The following GAP43 variants were observed in gnomAD, a reference collection of about 807,000 sequenced individuals.
GAP43 encodes growth associated protein 43, also known as neuromodulin.
A neutral mutation model predicts 18.6 loss-of-function variants in GAP43; 6 were observed. The observed-to-expected ratio is 0.32, with a 90% CI of 0.18 to 0.64. The LOEUF (loss-of-function observed/expected upper bound fraction) is 0.64. Among genes scored for constraint, GAP43 ranks in the 30% least tolerant of loss-of-function variants. The probability of loss-of-function intolerance (pLI) is 0.78; values close to 1 mark genes in which losing one functional copy is unlikely to be tolerated. For missense variants in GAP43, 292 were observed against 295.5 expected (o/e 0.99, Z 0.09); for synonymous variants, 115 against 111.4 (o/e 1.03, Z -0.20).
intron 1 of GAP43, among the ~76,000 whole-genome samples, chr3:115,626,311 G>A (rs1269517753): frequency 6.6e-6 from 1 of 152,180 alleles, no homozygotes; most frequent in Non-Finnish European, 1.5e-5. Flanking sequence ...CGTGGGAGGG[G>A]GGCTGAAGGG....
At chr3:115,680,285 C>T (rs903693695) in intron 2 of GAP43, among the ~76,000 whole-genome samples, 12 of 152,054 alleles carry the variant, frequency 7.9e-5, no homozygotes, top group Non-Finnish European at 1.8e-4. Context: ...AAGGAGACCC[C>T]ATCTCTACAA....
At chr3:115,647,733 A>G (rs1222784615) in intron 1 of GAP43, among the ~76,000 whole-genome samples, 1 of 131,946 alleles carries the variant, frequency 7.6e-6, no homozygotes, top group Non-Finnish European at 1.6e-5. Context: ...AAAAACAAAA[A>G]CAAAAACAAA....
chr3:115,676,309 C>A lies in GAP43; in HGVS notation c.327C>A (p.Ser109=). ...CCGGCAAAGCAGGAGAAACTCCTTCCGAGGAGAAGAAGGGGGAGGGTGATG... is the reference window on the plus strand; with the variant it reads ...CCGGCAAAGCAGGAGAAACTCCTTCAGAGGAGAAGAAGGGGGAGGGTGATG... ...DEPGKAGETP[S]EEKKGEGDAA... Residue 109 remains serine, a synonymous_variant, in exon 2 of 3, where the codon TCC becomes TCA. Transcript: ENST00000305124. 6.2e-7 allele frequency: 1 copy of A among 1,614,080 alleles called. No homozygotes were observed. The highest frequency in any genetic ancestry group is 8.5e-7 in the Non-Finnish European group (1 of 1,179,998).
At chr3:115,720,062 T>C (rs1242977366) in intron 2 of GAP43, among the ~76,000 whole-genome samples, 1 of 152,228 alleles carries the variant, frequency 6.6e-6, no homozygotes, top group Non-Finnish European at 1.5e-5. Flanking sequence ...ACTATTATAT[T>C]ACAATGCTTT....
chr3:115,691,494 AG>A (rs1282798316), intron 2 of GAP43, among the ~76,000 whole-genome samples: 1 of 152,204 alleles, frequency 6.6e-6, no homozygotes, highest in African/African-American at 2.4e-5. Flanking sequence ...CATGTGTAAA[AG>A]GTGTCTATTA....
At chr3:115,649,822 A>AAAAAAAAG (rs375806733) in intron 1 of GAP43, among the ~76,000 whole-genome samples, 3 of 137,260 alleles carry the variant, frequency 2.2e-5, no homozygotes, top group Admixed American at 7.6e-5. Context: ...AAAAAAAAAA[A>AAAAAAAAG]AAAGAAAGAA....
At position 115,644,452 on chromosome 3, in the gene GAP43, G is replaced by T. The variant is rs1253203150; in HGVS notation, c.30+20733G>T. ...AGTCAGTCACCGTGAAGCATTCTAA[G>T]CACTGAATAAGACAGAGCATCCATT... On this transcript the variant is annotated intron_variant, in intron 1 of 2. Coordinates refer to ENST00000305124, the MANE Select transcript of GAP43 (RefSeq NM_002045.4). The surrounding 1 kb of genome is among the most constrained non-coding windows in gnomAD (Gnocchi z 4.2). Among the ~76,000 whole-genome samples the T allele has an allele frequency of 6.6e-6, 1 of 151,932 alleles. No individual in the cohort carries two copies. The highest frequency in any genetic ancestry group is 1.5e-5 in the Non-Finnish European group (1 of 67,938).
chr3:115,653,917 A>G (rs536132760), intron 1 of GAP43, among the ~76,000 whole-genome samples: 54 of 152,318 alleles, frequency 3.5e-4, no homozygotes, highest in African/African-American at 1.2e-3. Flanking sequence ...ATTAAAAAAA[A>G]AATTAGCCCT....
intron 1 of GAP43, among the ~76,000 whole-genome samples, chr3:115,628,237 C>G (rs78868758): frequency 6.6e-6 from 1 of 151,886 alleles, no homozygotes; most frequent in African/African-American, 2.4e-5. Context: ...CTCCTCCCCC[C>G]GTGTTTTCCC....
chr3:115,634,410 G>A (rs1708303715), intron 1 of GAP43, among the ~76,000 whole-genome samples: 1 of 151,958 alleles, frequency 6.6e-6, no homozygotes. Context: ...CTGTTTCCAA[G>A]GGATTTATTC....
intron 1 of GAP43, among the ~76,000 whole-genome samples, chr3:115,656,360 G>A (rs1708581751): frequency 6.6e-6 from 1 of 152,164 alleles, no homozygotes; most frequent in Admixed American, 6.5e-5. Flanking sequence ...AATCAGGACT[G>A]TGGTTCAGGT....
chr3:115,654,283 C>A (rs1017980719), intron 1 of GAP43, among the ~76,000 whole-genome samples: 2 of 152,178 alleles, frequency 1.3e-5, no homozygotes, highest in Admixed American at 6.5e-5. Context: ...TTAAGCAAGT[C>A]ACACACTTGT....
chr3:115,628,078 G>T (rs1708213970), intron 1 of GAP43, among the ~76,000 whole-genome samples: 1 of 151,994 alleles, frequency 6.6e-6, no homozygotes, highest in South Asian at 2.1e-4. Context: ...ATCAATATAA[G>T]AAATTTTTAT....
rs146887490 is a variant in GAP43 at position 115,676,531 on chromosome 3, C to T, written c.549C>T (p.Ala183=). Residue 183 remains alanine (A), a synonymous_variant, in exon 2 of 3, where the codon GCC becomes GCT. Transcript: ENST00000305124. ...AVTAAAATTP[A]AEDAAAKATA... is the part of the protein sequence containing the mutation. ...CTGCTGCTGCTGCCACCACCCCTGCCGCAGAGGATGCTGCTGCCAAGGCAA... is the reference window on the plus strand; with the variant it reads ...CTGCTGCTGCTGCCACCACCCCTGCTGCAGAGGATGCTGCTGCCAAGGCAA... 605 of 1,613,622 alleles carry T rather than the reference C, an allele frequency of 3.7e-4. No homozygotes were observed. The highest frequency in any genetic ancestry group is 5.1e-4 in the Middle Eastern group (3 of 5,868).
At chr3:115,647,335 T>C (rs912082851) in intron 1 of GAP43, among the ~76,000 whole-genome samples, 2 of 152,074 alleles carry the variant, frequency 1.3e-5, no homozygotes, top group Non-Finnish European at 2.9e-5. Flanking sequence ...TTAACTACAG[T>C]TAACCAGTTT....
chr3:115,654,438 C>G (rs1393248565), intron 1 of GAP43, among the ~76,000 whole-genome samples: 2 of 152,112 alleles, frequency 1.3e-5, no homozygotes, highest in African/African-American at 4.8e-5. Context: ...ATGAGCAGAC[C>G]CAATGCTACT....
intron 1 of GAP43, among the ~76,000 whole-genome samples, chr3:115,634,567 C>T (rs74339943): frequency 0.026 from 4,001 of 151,948 alleles, 62 homozygotes; most frequent in Non-Finnish European, 0.035. Flanking sequence ...CTCAGGAGTT[C>T]GAGACCAGCC....
chr3:115,704,134 G>A (rs1285284877), intron 2 of GAP43, among the ~76,000 whole-genome samples: 1 of 152,024 alleles, frequency 6.6e-6, no homozygotes, highest in Non-Finnish European at 1.5e-5. Flanking sequence ...TATAATGCAA[G>A]GCTTTTTTGT....
chr3:115,698,195 A>G (rs1268515451), intron 2 of GAP43, among the ~76,000 whole-genome samples: 3 of 10,378 alleles, frequency 2.9e-4, no homozygotes, highest in Non-Finnish European at 5.1e-4. Flanking sequence ...TATTAAATAT[A>G]TATTATATAT....
Sources: allele counts gnomAD v4.1 joint callset (sites outside exome capture counted in the v4.1 genomes callset), GRCh38; gene constraint gnomAD v4.1.1; non-coding constraint Gnocchi (gnomAD v3.1); transcripts MANE v1.5; gene names NCBI Gene and HGNC (gene_info 2026-07-23, HGNC 2026-07-21).